The following ATP6V1C1 variants were observed in gnomAD, a reference collection of about 807,000 sequenced individuals.
ATP6V1C1 encodes ATPase H+ transporting V1 subunit C1, also known as V-type proton ATPase subunit C 1.
ATP6V1C1 carries 45 observed loss-of-function variants against 53.9 expected under a neutral mutation model. The observed-to-expected ratio is 0.83, with a 90% CI of 0.66 to 1.07. The LOEUF (loss-of-function observed/expected upper bound fraction) is 1.07, where lower values mean the gene tolerates loss of function less well. ATP6V1C1 is among the 50% of genes least tolerant of loss of function. The pLI, the probability that ATP6V1C1 is intolerant of heterozygous loss-of-function variation, is 0.00. For synonymous variants in ATP6V1C1, 153 were observed against 155.2 expected, an observed-to-expected ratio of 0.99 and a Z score of 0.11; for missense variants, 315 against 440.3, an observed-to-expected ratio of 0.72 and a Z score of 2.55.
intron 1 of ATP6V1C1, among the ~76,000 whole-genome samples, chr8:103,032,035 C>A (rs551738423): frequency 2.0e-5 from 3 of 150,722 alleles, no homozygotes; most frequent in East Asian, 1.9e-4. Context: ...ACAAAAAAAA[C>A]CCAAAAACTG....
At chr8:103,065,406 T>G (rs1817471227) in intron 11 of ATP6V1C1, among the ~76,000 whole-genome samples, 1 of 151,888 alleles carries the variant, frequency 6.6e-6, no homozygotes, top group Non-Finnish European at 1.5e-5. Flanking sequence ...ATAAAAAAAT[T>G]AGCCAAGTGT....
chr8:103,036,814 A>G (rs114439603), intron 1 of ATP6V1C1, among the ~76,000 whole-genome samples: 163 of 152,364 alleles, frequency 1.1e-3, no homozygotes, highest in African/African-American at 3.2e-3. Flanking sequence ...TGCAGTTTAG[A>G]TAATTTAGCA....
intron 5 of ATP6V1C1, among the ~76,000 whole-genome samples, chr8:103,052,494 C>A (rs1005748719): frequency 6.6e-6 from 1 of 151,914 alleles, no homozygotes; most frequent in Non-Finnish European, 1.5e-5. Context: ...AATTAAAATA[C>A]ATGTGGACTA....
At chr8:103,032,458 C>T (rs762148901) in intron 1 of ATP6V1C1, among the ~76,000 whole-genome samples, 2 of 151,500 alleles carry the variant, frequency 1.3e-5, no homozygotes, top group African/African-American at 4.9e-5. Context: ...GTCAGTCTCC[C>T]CTCTCCTCCC....
Position 103,068,683 on chromosome 8 carries a change from G to A in ATP6V1C1, c.1085G>A (p.Ser362Asn). ...APMDIPGLNL[S>N]QQEYYPYVYY... Reference sequence around the variant, plus strand: ...ATGGATATTCCAGGTTTAAACCTGAGTCAACAAGAATACTACCCCTATGTG... The same window carrying A: ...ATGGATATTCCAGGTTTAAACCTGAATCAACAAGAATACTACCCCTATGTG... The change falls in exon 13 of 13, where the codon AGT (serine) becomes AAT (asparagine). Residue 362 changes from serine (S) to asparagine (N), a missense_variant. Coordinates refer to ENST00000518738, the MANE Select transcript of ATP6V1C1 (RefSeq NM_001695.5). 1 of 1,610,404 alleles carries A rather than the reference G, an allele frequency of 6.2e-7. No homozygotes were observed. Among genetic ancestry groups the A allele is most frequent in the Non-Finnish European group, 8.5e-7 (1 of 1,178,492 alleles).
rs751774118 is a variant in ATP6V1C1, at chr8:103,063,029, A to G, written c.716A>G (p.His239Arg). 9 of 1,613,894 alleles carry G rather than the reference A, an allele frequency of 5.6e-6. No homozygotes were observed. Among genetic ancestry groups the G allele is most frequent in the Non-Finnish European group, 7.6e-6 (9 of 1,179,902 alleles). Residue 239 changes from histidine to arginine, a missense_variant, in exon 9 of 13, where the codon CAC becomes CGC. Transcript: ENST00000518738. ...LFRKAVDDFR[H>R]KARENKFIVR... The stretch of plus-strand genomic sequence containing the variant: ...AGGAAGGCAGTTGATGACTTCAGAC[A>G]CAAAGCCAGAGAAAACAAGTAAGAT...
At chr8:103,061,682 C>T (rs1012497498) in intron 8 of ATP6V1C1, among the ~76,000 whole-genome samples, 3 of 152,074 alleles carry the variant, frequency 2.0e-5, no homozygotes, top group Non-Finnish European at 2.9e-5. Context: ...ACATTAAATG[C>T]GTACAGTTTT....
At position 103,066,418 on chromosome 8, in the gene ATP6V1C1, C is replaced by T; in HGVS notation, c.1024C>T (p.Leu342=). ...AGTATTACATGAATTGTATAAACAT[C>T]TAGACAGCAGTGCAGCAGCTATTAT... The part of the protein sequence containing the change: ...REVLHELYKH[L]DSSAAAIIDA... Residue 342 remains leucine, a synonymous_variant, in exon 12 of 13, where the codon CTA becomes TTA. Coordinates refer to ENST00000518738, the MANE Select transcript of ATP6V1C1 (RefSeq NM_001695.5). 2 of 1,611,394 alleles carry T rather than the reference C, an allele frequency of 1.2e-6. No individual in the cohort carries two copies. Among genetic ancestry groups the T allele is most frequent in the Non-Finnish European group, 1.7e-6 (2 of 1,179,354 alleles).
chr8:103,028,232 G>A (rs888334438), intron 1 of ATP6V1C1, among the ~76,000 whole-genome samples: 6 of 152,110 alleles, frequency 3.9e-5, no homozygotes, highest in Admixed American at 2.6e-4. Flanking sequence ...TGTTTTGTGC[G>A]AAACGAGCAA....
At position 103,069,448 on chromosome 8, in the gene ATP6V1C1, CA is replaced by C. The variant is rs1443844788; in HGVS notation, c.*704del. 1 of 152,188 alleles carries C rather than the reference CA, an allele frequency of 6.6e-6. No individual in the cohort carries two copies. The highest frequency in any genetic ancestry group is 1.5e-5 in the Non-Finnish European group (1 of 68,038). The allele number at this position is 152,188 out of a possible 1,614,324, so 9.4% of individuals were successfully genotyped here. ...ATTGAGCCAAATTTGGGTCAGAACACAAATTTGAAGATGACTTTTCAGTATA... is the reference window on the plus strand; with the variant it reads ...ATTGAGCCAAATTTGGGTCAGAACACAATTTGAAGATGACTTTTCAGTATA... On this transcript the variant is annotated 3_prime_UTR_variant, in exon 13 of 13. Coordinates refer to ENST00000518738, the MANE Select transcript of ATP6V1C1 (RefSeq NM_001695.5).
At position 103,070,518 on chromosome 8, in the gene ATP6V1C1, C is replaced by T. The variant is rs1415072351; in HGVS notation, c.*1771C>T. On this transcript the variant is annotated 3_prime_UTR_variant, in exon 13 of 13. Transcript: ENST00000518738. ...AAATTTTGGTTCTTTGTCTTTTGCA[C>T]ATGTTCTTTGAGTCTTAGTATCTGT... 1 of 152,166 alleles carries T rather than the reference C, an allele frequency of 6.6e-6. No individual in the cohort carries two copies. Among genetic ancestry groups the T allele is most frequent in the Non-Finnish European group, 1.5e-5 (1 of 68,026 alleles). 9.4% of individuals were successfully genotyped at this position (152,166 alleles called of 1,614,324 possible). A position where few individuals can be genotyped will look rare whatever the true frequency, so the allele number is the denominator to read the frequency against.
intron 12 of ATP6V1C1, among the ~76,000 whole-genome samples, chr8:103,067,136 C>T (rs1337846168): frequency 1.3e-5 from 2 of 151,680 alleles, no homozygotes; most frequent in Non-Finnish European, 2.9e-5. Context: ...TGGTGGCTCA[C>T]GCCTGTAATC....
intron 3 of ATP6V1C1, among the ~76,000 whole-genome samples, chr8:103,047,896 G>C (rs113382436): frequency 6.6e-6 from 1 of 151,994 alleles, no homozygotes; most frequent in South Asian, 2.1e-4. Context: ...CTCTCTCTCT[G>C]TCTGCAACCT....
At chr8:103,026,128 G>A (rs537846607) in intron 1 of ATP6V1C1, among the ~76,000 whole-genome samples, 58 of 152,342 alleles carry the variant, frequency 3.8e-4, no homozygotes, top group Middle Eastern at 3.4e-3. Flanking sequence ...GAAGGTTTTG[G>A]TGATTACTTG....
chr8:103,037,087 G>A (rs1816912027), intron 1 of ATP6V1C1, among the ~76,000 whole-genome samples: 3 of 152,166 alleles, frequency 2.0e-5, no homozygotes, highest in Admixed American at 1.3e-4. Context: ...CGCTAAGTGC[G>A]AGAGTATTAA....
At chr8:103,036,214 C>T (rs1308314745) in intron 1 of ATP6V1C1, among the ~76,000 whole-genome samples, 1 of 152,210 alleles carries the variant, frequency 6.6e-6, no homozygotes, top group Non-Finnish European at 1.5e-5. Context: ...ATCTGCCAGT[C>T]GTGCAGCCTT....
At chr8:103,050,226 A>AAT (rs1479705805) in intron 4 of ATP6V1C1, among the ~76,000 whole-genome samples, 2 of 152,192 alleles carry the variant, frequency 1.3e-5, no homozygotes, top group Non-Finnish European at 1.5e-5. Context: ...GTTAGATATT[A>AAT]ATAAGTTAAT....
At chr8:103,067,554 A>G (rs1817514927) in intron 12 of ATP6V1C1, among the ~76,000 whole-genome samples, 1 of 151,220 alleles carries the variant, frequency 6.6e-6, no homozygotes, top group Non-Finnish European at 1.5e-5. Flanking sequence ...TTTTCTTGAT[A>G]GAAGGAAATG....
At chr8:103,041,459 T>G (rs1816999372) in intron 2 of ATP6V1C1, among the ~76,000 whole-genome samples, 1 of 152,170 alleles carries the variant, frequency 6.6e-6, no homozygotes, top group Admixed American at 6.5e-5. Context: ...GTAAAGCAGG[T>G]GTCCAGTAAT....
Sources: allele counts gnomAD v4.1 joint callset (sites outside exome capture counted in the v4.1 genomes callset), GRCh38; gene constraint gnomAD v4.1.1; transcripts MANE v1.5; gene names NCBI Gene and HGNC (gene_info 2026-07-23, HGNC 2026-07-21).